The following ZFHX3 variants were observed in gnomAD, a reference collection of about 807,000 sequenced individuals.
The protein encoded by ZFHX3 is zinc finger homeobox 3.
ZFHX3 carries 42 observed loss-of-function variants against 279.1 expected under a neutral mutation model. The ratio of observed to expected loss-of-function variants is 0.15; its 90% CI spans 0.12 to 0.19. The LOEUF (loss-of-function observed/expected upper bound fraction) is 0.19, where lower values mean the gene tolerates loss of function less well. Ranked by LOEUF, ZFHX3 falls within the 10% of genes least tolerant of loss-of-function variation. The pLI is 1.00. For synonymous variants in ZFHX3, 2,293 were observed against 1,957.8 expected (o/e 1.17, Z -4.52); for missense variants, 4,981 against 4,754.0 (o/e 1.05, Z -1.40).
At chr16:73,587,886 G>A (rs2051944084) in intron 2 of ZFHX3, among the ~76,000 whole-genome samples, 1 of 152,128 alleles carries the variant, frequency 6.6e-6, no homozygotes, top group Non-Finnish European at 1.5e-5. Context: ...TGTACAAACA[G>A]CAATTTCATA....
chr16:73,242,197 G>A (rs1394433330), intron 5 of ZFHX3, among the ~76,000 whole-genome samples: 2 of 152,172 alleles, frequency 1.3e-5, no homozygotes, highest in African/African-American at 4.8e-5. Context: ...AGTAGGCTGA[G>A]TGGGGTCCAA....
At chr16:72,844,854 A>G (rs1597302267) in intron 4 of ZFHX3, among the ~76,000 whole-genome samples, 1 of 152,012 alleles carries the variant, frequency 6.6e-6, no homozygotes, top group South Asian at 2.1e-4. Context: ...TGCCCCGAAA[A>G]CCCTGCCCCG....
chr16:72,801,032 G>A (rs967875961), intron 7 of ZFHX3, among the ~76,000 whole-genome samples: 3 of 152,358 alleles, frequency 2.0e-5, no homozygotes, highest in Middle Eastern at 6.8e-3. Context: ...TTATGTTAAT[G>A]TGATAAGCAG....
Position 72,959,464 on chromosome 16 carries a change from G to A in ZFHX3, c.682C>T (p.Leu228=), listed in dbSNP as rs1305380947. 5 of 1,614,278 alleles carry A rather than the reference G, an allele frequency of 3.1e-6. No homozygotes were observed. The highest frequency in any genetic ancestry group is 4.2e-6 in the Non-Finnish European group (5 of 1,180,046). ...TSALAGLSPV[L]HSFRVFDVRH... ...ACGTCAAACACGCGGAAGCTGTGCA[G>A]GACGGGGCTGAGCCCCGCCAGGGCT... is the stretch of plus-strand genomic sequence containing the variant. Residue 228 remains leucine, a synonymous_variant, in exon 2 of 10, where the codon CTG becomes TTG. Transcript: ENST00000268489.
intron 1 of ZFHX3, among the ~76,000 whole-genome samples, chr16:73,793,684 G>A (rs984817284): frequency 3.3e-5 from 5 of 152,068 alleles, no homozygotes; most frequent in African/African-American, 1.2e-4. Flanking sequence ...CCCTAATACA[G>A]CATCTATTTT....
intron 5 of ZFHX3, among the ~76,000 whole-genome samples, chr16:73,236,837 A>G (rs1487355507): frequency 6.6e-6 from 1 of 152,168 alleles, no homozygotes; most frequent in Non-Finnish European, 1.5e-5. Flanking sequence ...AAAAGATAGA[A>G]ATCCCCAGAA....
At chr16:72,936,446 A>G (rs1960130159) in intron 3 of ZFHX3, among the ~76,000 whole-genome samples, 1 of 152,246 alleles carries the variant, frequency 6.6e-6, no homozygotes, top group Non-Finnish European at 1.5e-5. Context: ...CTGTCAATGC[A>G]GAGAAGTTAT....
At chr16:73,244,193 A>G (rs1274850880) in intron 5 of ZFHX3, among the ~76,000 whole-genome samples, 2 of 152,160 alleles carry the variant, frequency 1.3e-5, no homozygotes, top group Non-Finnish European at 2.9e-5. Context: ...GTTTTTGGGA[A>G]TATTTTTGAG....
At chr16:73,722,281 T>C (rs748763973) in intron 1 of ZFHX3, among the ~76,000 whole-genome samples, 9 of 152,124 alleles carry the variant, frequency 5.9e-5, no homozygotes, top group Admixed American at 2.0e-4. Context: ...TGGTACTCGA[T>C]TGGTTGATGA....
At chr16:73,522,682 A>T (rs2019627450) in intron 2 of ZFHX3, among the ~76,000 whole-genome samples, 2 of 152,292 alleles carry the variant, frequency 1.3e-5, no homozygotes, top group South Asian at 4.2e-4. Context: ...CCTTACTGTC[A>T]AGCTGTGCCT....
At chr16:73,079,299 C>A (rs1426631586) in intron 8 of ZFHX3, among the ~76,000 whole-genome samples, 1 of 151,636 alleles carries the variant, frequency 6.6e-6, no homozygotes, top group Non-Finnish European at 1.5e-5. Context: ...CCAAGGTGGG[C>A]AGATCACTTG....
chr16:73,751,181 C>T (rs2053758875), intron 1 of ZFHX3, among the ~76,000 whole-genome samples: 1 of 152,172 alleles, frequency 6.6e-6, no homozygotes, highest in Admixed American at 6.5e-5. Flanking sequence ...GAACCCAGGA[C>T]CTACTGCAAG....
chr16:72,816,048 A>G (rs117562821), intron 5 of ZFHX3, among the ~76,000 whole-genome samples: 1 of 152,372 alleles, frequency 6.6e-6, no homozygotes, highest in East Asian at 1.9e-4. Context: ...AATGTGTATT[A>G]TCCCATGTTA....
At chr16:73,677,234 C>G (rs201101566) in intron 2 of ZFHX3, among the ~76,000 whole-genome samples, 2 of 151,722 alleles carry the variant, frequency 1.3e-5, no homozygotes, top group Non-Finnish European at 3.0e-5. Flanking sequence ...TTAATAATAA[C>G]ATGATGTCAT....
At chr16:73,818,903 G>A (rs1488573071) in intron 1 of ZFHX3, among the ~76,000 whole-genome samples, 2 of 152,122 alleles carry the variant, frequency 1.3e-5, no homozygotes, top group Admixed American at 6.5e-5. Flanking sequence ...CAATGACTTA[G>A]AAAATCTGAT....
chr16:73,670,529 T>C (rs1049368791), intron 2 of ZFHX3, among the ~76,000 whole-genome samples: 15 of 152,182 alleles, frequency 9.9e-5, no homozygotes, highest in African/African-American at 3.6e-4. Context: ...CTTTAGCGTT[T>C]TCCCAAAAGT....
chr16:73,291,646 G>C lies in ZFHX3; in HGVS notation c.-1194+26594C>G, dbSNP rs527809470. 1.4e-4 allele frequency among the ~76,000 whole-genome samples: 22 copies of C among 152,322 alleles called. No individual in the cohort carries two copies. The South Asian group carries it at 4.3e-3, about 30-fold the overall frequency. ...CTGTAATGGACAGCCACCAGAAGAG[G>C]TCTTAGCACCTGGTAAGCAGGTGTA... On this transcript the variant is annotated intron_variant, in intron 4 of 17. Coordinates refer to the ZFHX3 transcript ENST00000641206.
chr16:73,816,148 C>T lies in ZFHX3; in HGVS notation c.-1608+75503G>A, dbSNP rs183623986. On this transcript the variant is annotated intron_variant, in intron 1 of 17. Transcript: ENST00000641206. ...TTATGTATACATACATATATACATA[C>T]GTGCATTGGTGGAGCTAGATAATAT... is the stretch of plus-strand genomic sequence containing the variant. 7.2e-5 allele frequency: 11 copies of T among 152,248 alleles called. No homozygotes were observed. The East Asian group carries it at 9.7e-4, about 13-fold the overall frequency. 9.4% of individuals were successfully genotyped at this position (152,248 alleles called of 1,614,324 possible).
At chr16:73,025,066 A>G (rs763773663) in intron 1 of ZFHX3, among the ~76,000 whole-genome samples, 26 of 152,180 alleles carry the variant, frequency 1.7e-4, no homozygotes, top group Admixed American at 2.6e-4. Flanking sequence ...TTTTATGGAG[A>G]GGAGAAAGTT....
Sources: gnomAD v4.1 joint callset for allele counts (sites outside exome capture counted in the v4.1 genomes callset) on GRCh38, gnomAD v4.1.1 for gene constraint, MANE v1.5 for transcripts, NCBI Gene and HGNC (gene_info 2026-07-23, HGNC 2026-07-21) for gene names.